The following NLGN1 variants were observed in gnomAD, a reference collection of about 807,000 sequenced individuals.
NLGN1 encodes the protein neuroligin 1.
NLGN1 carries 12 observed loss-of-function variants against 65.5 expected under a neutral mutation model. That is an observed-to-expected ratio of 0.18 (90% confidence interval 0.12 to 0.30). The LOEUF (loss-of-function observed/expected upper bound fraction) is 0.30, where lower values mean the gene tolerates loss of function less well. Ranked by LOEUF, NLGN1 falls within the 10% of genes least tolerant of loss-of-function variation. The probability of loss-of-function intolerance (pLI) is 1.00; values close to 1 mark genes in which losing one functional copy is unlikely to be tolerated. For missense variants in NLGN1, 750 were observed against 1,007.1 expected (o/e 0.74, Z 3.46); for synonymous variants, 350 against 359.5 (o/e 0.97, Z 0.30).
intron 2 of NLGN1, among the ~76,000 whole-genome samples, chr3:173,572,475 C>A (rs991847744): frequency 5.9e-5 from 9 of 152,236 alleles, no homozygotes; most frequent in Admixed American, 2.0e-4. Flanking sequence ...AGCCATGAAC[C>A]AATCTGAGTC....
exon 7 of NLGN1, chr3:174,284,757 T>G (rs1229413101): frequency 6.6e-6 from 1 of 151,332 alleles, no homozygotes; most frequent in Non-Finnish European, 1.5e-5. Flanking sequence ...AATTGGAAAA[T>G]AATTTGCTAA....
intron 4 of NLGN1, among the ~76,000 whole-genome samples, chr3:174,192,339 C>T (rs6445150): frequency 0.2 from 31,056 of 151,990 alleles, 3,570 homozygotes; most frequent in African/African-American, 0.3. Flanking sequence ...GGATTTTTTG[C>T]GTGCTTGATG....
chr3:173,416,427 A>C (rs1229055686), intron 1 of NLGN1, among the ~76,000 whole-genome samples: 2 of 152,194 alleles, frequency 1.3e-5, no homozygotes, highest in Non-Finnish European at 2.9e-5. Context: ...ATGGCCCTGA[A>C]GGGCCAAAGG....
rs531080427 is a variant in NLGN1 at position 174,183,459 on chromosome 3, C to T, written c.647-91856C>T. Among the ~76,000 whole-genome samples, 16 of 152,038 alleles carry T rather than the reference C, an allele frequency of 1.1e-4. No homozygotes were observed. The Middle Eastern group carries it at 0.01, about 98-fold the overall frequency. ...AAAAGAAAAAATAAATAAATAAATC[C>T]GAACTAGCTATTTACTCAAACATCC... On this transcript the variant is annotated intron_variant, in intron 4 of 6. Coordinates refer to ENST00000457714, the Ensembl canonical transcript of NLGN1.
intron 4 of NLGN1, among the ~76,000 whole-genome samples, chr3:174,107,066 C>T (rs995702233): frequency 2.8e-5 from 4 of 141,484 alleles, no homozygotes; most frequent in African/African-American, 1.1e-4. Context: ...AACTCTTTAC[C>T]GTCTATCTGT....
chr3:173,697,066 A>G (rs1766331668), intron 3 of NLGN1, among the ~76,000 whole-genome samples: 1 of 152,188 alleles, frequency 6.6e-6, no homozygotes, highest in South Asian at 2.1e-4. Flanking sequence ...CATCATTTTA[A>G]AAATATGATC....
intron 4 of NLGN1, chr3:173,910,564 T>TA (rs1739385105): frequency 6.6e-6 from 1 of 152,236 alleles, no homozygotes; most frequent in African/African-American, 2.4e-5. Flanking sequence ...ATATAGCTTG[T>TA]ATTTTCTAGT....
At chr3:173,461,822 T>G (rs1263785239) in intron 2 of NLGN1, among the ~76,000 whole-genome samples, 2 of 152,172 alleles carry the variant, frequency 1.3e-5, no homozygotes, top group African/African-American at 4.8e-5. Flanking sequence ...TTTCAAATTT[T>G]TCTTACCTGT....
chr3:174,071,433 G>T (rs1739835298), intron 4 of NLGN1, among the ~76,000 whole-genome samples: 1 of 152,064 alleles, frequency 6.6e-6, no homozygotes, highest in South Asian at 2.1e-4. Context: ...TGTAATCCTA[G>T]CACTTTGGGA....
the NLGN1 span, among the ~76,000 whole-genome samples, chr3:174,293,390 G>A: frequency 6.8e-3 from 1,031 of 151,242 alleles, 5 homozygotes; most frequent in Middle Eastern, 0.068. Flanking sequence ...AATAATACAC[G>A]ACAATGTTGC....
chr3:174,239,048 CTTTCTTTCTTT>C (rs1445478274), intron 4 of NLGN1, among the ~76,000 whole-genome samples: 1 of 151,764 alleles, frequency 6.6e-6, no homozygotes, highest in Non-Finnish European at 1.5e-5. Context: ...TTGCCTAGTT[CTTTCTTTCTTT>C]TTTCTTTCTT....
chr3:173,987,779 T>C (rs1720262712), intron 4 of NLGN1, among the ~76,000 whole-genome samples: 1 of 152,204 alleles, frequency 6.6e-6, no homozygotes, highest in African/African-American at 2.4e-5. Flanking sequence ...TGTGGTTCAG[T>C]TGGACTTAGC....
chr3:174,202,372 T>G (rs969127630), intron 4 of NLGN1, among the ~76,000 whole-genome samples: 1 of 152,082 alleles, frequency 6.6e-6, no homozygotes, highest in African/African-American at 2.4e-5. Context: ...TGGCACACAA[T>G]GGCCTTTCTG....
chr3:173,771,664 C>T (rs9879266), intron 3 of NLGN1, among the ~76,000 whole-genome samples: 91,833 of 150,376 alleles, frequency 0.61, 28,739 homozygotes, highest in Non-Finnish European at 0.68. Context: ...GACAAATTAC[C>T]AAGAATGACC....
intron 4 of NLGN1, among the ~76,000 whole-genome samples, chr3:174,111,278 G>A (rs1561067884): frequency 7.2e-5 from 11 of 151,848 alleles, no homozygotes. Context: ...AGAAAGACCA[G>A]TCCCCAGTAA....
At chr3:173,953,172 T>C in intron 4 of NLGN1, among the ~76,000 whole-genome samples, 1 of 152,220 alleles carries the variant, frequency 6.6e-6, no homozygotes, top group Non-Finnish European at 1.5e-5. Flanking sequence ...TAAAAATTAC[T>C]AATAAAAGGC....
chr3:173,423,541 A>C (rs1370106296), intron 1 of NLGN1, among the ~76,000 whole-genome samples: 1 of 150,824 alleles, frequency 6.6e-6, no homozygotes, highest in Non-Finnish European at 1.5e-5. Flanking sequence ...AAAATTGACC[A>C]AAAAAAAAGG....
intron 4 of NLGN1, among the ~76,000 whole-genome samples, chr3:174,274,135 C>G (rs1750047474): frequency 6.6e-6 from 1 of 151,266 alleles, no homozygotes; most frequent in Non-Finnish European, 1.5e-5. Flanking sequence ...AATTATATCC[C>G]TTAATATAAT....
chr3:174,131,723 C>G (rs1177157434), intron 4 of NLGN1, among the ~76,000 whole-genome samples: 1 of 152,086 alleles, frequency 6.6e-6, no homozygotes, highest in South Asian at 2.1e-4. Flanking sequence ...GCTACATGAG[C>G]TATTCAAATA....
Sources: allele counts gnomAD v4.1 joint callset (sites outside exome capture counted in the v4.1 genomes callset), GRCh38; gene constraint gnomAD v4.1.1; transcripts MANE v1.5; gene names NCBI Gene and HGNC (gene_info 2026-07-23, HGNC 2026-07-21).